Variants in SMYD3 observed in about 807,000 individuals in gnomAD.
The protein encoded by SMYD3 is SET and MYND domain containing 3.
In SMYD3, 36 loss-of-function variants were observed where a neutral mutation model predicts 57.7. The observed-to-expected ratio is 0.62, with a 90% CI of 0.48 to 0.82. The LOEUF is 0.82. Ranked by LOEUF, SMYD3 falls within the 40% of genes least tolerant of loss-of-function variation. The probability of loss-of-function intolerance (pLI) is 0.00; values close to 1 mark genes in which losing one functional copy is unlikely to be tolerated. For missense variants in SMYD3, 515 were observed against 538.8 expected, an observed-to-expected ratio of 0.96 and a Z score of 0.44; for synonymous variants, 211 against 195.0, an observed-to-expected ratio of 1.08 and a Z score of -0.68.
At chr1:246,067,525 T>C (rs1332150556) in intron 5 of SMYD3, among the ~76,000 whole-genome samples, 1 of 152,190 alleles carries the variant, frequency 6.6e-6, no homozygotes, top group Non-Finnish European at 1.5e-5. Context: ...TTGCAGTTTC[T>C]TGAAAATCTA....
chr1:245,797,354 A>G, intron 10 of SMYD3, among the ~76,000 whole-genome samples: 1 of 152,156 alleles, frequency 6.6e-6, no homozygotes, highest in Non-Finnish European at 1.5e-5. Context: ...GCCACAAAAA[A>G]GGATATTTCA....
intron 5 of SMYD3, among the ~76,000 whole-genome samples, chr1:246,107,963 C>T (rs902635701): frequency 8.5e-5 from 13 of 152,130 alleles, no homozygotes; most frequent in African/African-American, 3.1e-4. Context: ...AATCTCTGAA[C>T]AATAGGAACT....
Position 246,014,853 on chromosome 1 carries a change from C to T in SMYD3, c.532-84916G>A, listed in dbSNP as rs142624381. Among the ~76,000 whole-genome samples the T allele has an allele frequency of 8.5e-4, 129 of 152,144 alleles. 1 individual carries two copies. The East Asian group carries it at 0.018, about 21-fold the overall frequency. ...CAATCTTCTCTCTCTCCCAAGCAGA[C>T]GATGAACTTGTTCATTGGAGTTCCC... On this transcript the variant is annotated intron_variant, in intron 5 of 11. Transcript: ENST00000490107.
rs192357450 is a variant in SMYD3 at position 245,835,967 on chromosome 1, T to C, written c.1076+22529A>G. 2.1e-4 allele frequency among the ~76,000 whole-genome samples: 32 copies of C among 152,266 alleles called. No homozygotes were observed. The East Asian group carries it at 2.5e-3, about 12-fold the overall frequency. On this transcript the variant is annotated intron_variant, in intron 10 of 11. Coordinates refer to ENST00000490107, the MANE Select transcript of SMYD3 (RefSeq NM_001167740.2). Reference sequence around the variant, plus strand: ...AAACTTGCTTTGCTAGTTAATGCTCTCTCTGCTCTCAGAGAGGGTCGAGAG... The same window carrying C: ...AAACTTGCTTTGCTAGTTAATGCTCCCTCTGCTCTCAGAGAGGGTCGAGAG...
At chr1:245,865,414 A>G (rs900590788) in intron 8 of SMYD3, among the ~76,000 whole-genome samples, 1 of 152,204 alleles carries the variant, frequency 6.6e-6, no homozygotes, top group Non-Finnish European at 1.5e-5. Context: ...TCTTCCCCCC[A>G]GGTCAGAGGG....
At chr1:245,956,016 G>A (rs2057830418) in intron 5 of SMYD3, 1 of 985,064 alleles carries the variant, frequency 1.0e-6, no homozygotes, top group African/African-American at 1.7e-5. Context: ...AACACTGTTT[G>A]TAAATGCAAA....
At chr1:246,449,434 TCTTTAA>T (rs934749640) in intron 1 of SMYD3, among the ~76,000 whole-genome samples, 9 of 152,344 alleles carry the variant, frequency 5.9e-5, no homozygotes, top group African/African-American at 2.2e-4. Context: ...ATGTTTTTGC[TCTTTAA>T]CTTAGAATTC....
At chr1:246,293,234 T>A (rs903030974) in intron 5 of SMYD3, among the ~76,000 whole-genome samples, 1 of 152,078 alleles carries the variant, frequency 6.6e-6, no homozygotes, top group Non-Finnish European at 1.5e-5. Context: ...GCCCCAGCAC[T>A]GACAGATATC....
chr1:245,785,742 C>T (rs182514307), intron 10 of SMYD3, among the ~76,000 whole-genome samples: 15 of 152,202 alleles, frequency 9.9e-5, no homozygotes, highest in Admixed American at 7.9e-4. Context: ...GCTCTGCCAC[C>T]GGCTGCAGTG....
At chr1:245,966,716 T>C (rs2058158430) in intron 5 of SMYD3, among the ~76,000 whole-genome samples, 2 of 152,262 alleles carry the variant, frequency 1.3e-5, no homozygotes, top group South Asian at 4.2e-4. Flanking sequence ...AGTCCTTATT[T>C]CCTTTCTACC....
intron 5 of SMYD3, among the ~76,000 whole-genome samples, chr1:246,316,102 C>G (rs1358662903): frequency 5.3e-5 from 8 of 152,110 alleles, no homozygotes; most frequent in Admixed American, 6.5e-5. Flanking sequence ...AGTTTGAGGG[C>G]AATAATCCAC....
At chr1:246,479,487 G>A (rs77252617) in intron 1 of SMYD3, among the ~76,000 whole-genome samples, 3,712 of 147,604 alleles carry the variant, frequency 0.025, 172 homozygotes, top group African/African-American at 0.085. Flanking sequence ...TGTTTGGCAT[G>A]TGTCAAAAAG....
At chr1:246,143,543 C>G (rs1356966157) in intron 5 of SMYD3, among the ~76,000 whole-genome samples, 1 of 152,064 alleles carries the variant, frequency 6.6e-6, no homozygotes, top group Non-Finnish European at 1.5e-5. Context: ...AGGCATGTGG[C>G]TACGGTCCCA....
intron 1 of SMYD3, among the ~76,000 whole-genome samples, chr1:246,450,223 G>A (rs189863679): frequency 5.0e-4 from 76 of 152,168 alleles, no homozygotes; most frequent in African/African-American, 1.2e-3. Flanking sequence ...TCCGGGAGGC[G>A]GAGGTTGAGG....
In SMYD3 at chr1:245,905,066, C is replaced by G. The variant is rs1474167117; in HGVS notation, c.813+10464G>C. On this transcript the variant is annotated intron_variant, in intron 8 of 11. Transcript: ENST00000490107. ...ATTCATCACCTACTAACTGAAGAACCCTTGGGCCCCGAATAACCAGCAGTG... is the reference window on the plus strand; with the variant it reads ...ATTCATCACCTACTAACTGAAGAACGCTTGGGCCCCGAATAACCAGCAGTG... Among the ~76,000 whole-genome samples the G allele has an allele frequency of 3.5e-4, 53 of 151,834 alleles. 1 individual carries two copies. The highest frequency in any genetic ancestry group is 8.8e-5 in the Non-Finnish European group (6 of 67,994).
At chr1:246,379,105 CACACACACAT>C (rs955235941) in intron 1 of SMYD3, among the ~76,000 whole-genome samples, 6 of 129,832 alleles carry the variant, frequency 4.6e-5, no homozygotes, top group African/African-American at 1.7e-4. Flanking sequence ...CACACACACA[CACACACACAT>C]ATATTCCATT....
At chr1:245,973,871 C>A (rs1558548078) in intron 5 of SMYD3, among the ~76,000 whole-genome samples, 1 of 152,148 alleles carries the variant, frequency 6.6e-6, no homozygotes, top group Non-Finnish European at 1.5e-5. Context: ...CGTAAATGTC[C>A]AGAAAAATAA....
At chr1:246,120,636 G>A (rs1406106363) in intron 5 of SMYD3, among the ~76,000 whole-genome samples, 2 of 152,124 alleles carry the variant, frequency 1.3e-5, no homozygotes, top group Admixed American at 1.3e-4. Flanking sequence ...TTCAGCACTT[G>A]GCATAATGCG....
At chr1:246,411,967 A>C (rs1409036318) in intron 1 of SMYD3, among the ~76,000 whole-genome samples, 1 of 124,810 alleles carries the variant, frequency 8.0e-6, no homozygotes, top group African/African-American at 2.9e-5. Flanking sequence ...CTAAAACTTA[A>C]AGTATAATAA....
Sources: allele counts gnomAD v4.1 joint callset (sites outside exome capture counted in the v4.1 genomes callset), GRCh38; gene constraint gnomAD v4.1.1; transcripts MANE v1.5; gene names NCBI Gene and HGNC (gene_info 2026-07-23, HGNC 2026-07-21).